Variants in RSRP1 observed in about 807,000 individuals in gnomAD.
RSRP1 encodes the protein arginine/serine-rich protein 1.
A neutral mutation model predicts 33.0 loss-of-function variants in RSRP1; 37 were observed. The observed-to-expected ratio is 1.12, with a 90% confidence interval of 0.86 to 1.48. The LOEUF is 1.48. RSRP1 is among the 40% of genes most tolerant of loss of function. The pLI, the probability that RSRP1 is intolerant of heterozygous loss-of-function variation, is 0.00. For missense variants in RSRP1, 402 were observed against 385.3 expected, an observed-to-expected ratio of 1.04 and a Z score of -0.36; for synonymous variants, 167 against 158.7, an observed-to-expected ratio of 1.05 and a Z score of -0.40.
chr1:25,274,906 C>T (rs1027978575), intron 1 of RSRP1, among the ~76,000 whole-genome samples: 1 of 131,344 alleles, frequency 7.6e-6, no homozygotes, highest in African/African-American at 2.6e-5. Flanking sequence ...ACTTGGGAGG[C>T]CATTACACTC....
chr1:25,292,298 T>G (rs566635352), intron 1 of RSRP1, among the ~76,000 whole-genome samples: 1 of 132,368 alleles, frequency 7.6e-6, no homozygotes, highest in South Asian at 2.3e-4. Flanking sequence ...GACTTATGTT[T>G]TAAGATACTC....
At chr1:25,280,902 G>A (rs1407439083) in intron 1 of RSRP1, among the ~76,000 whole-genome samples, 1 of 132,472 alleles carries the variant, frequency 7.5e-6, no homozygotes, top group Non-Finnish European at 1.8e-5. Flanking sequence ...GATTACAGGT[G>A]TGAGCCACCA....
rs1416601051 is a variant in RSRP1 at position 25,329,056 on chromosome 1, G to T, written c.-67+8922C>A. ...TGTTCGCGCAGGCACTGGAGTCAGA[G>T]AAAATGGAGTTGAATCCTTTCTCTG... On this transcript the variant is annotated intron_variant, in intron 1 of 1. Transcript: ENST00000561867. 2.9e-6 allele frequency: 4 copies of T among 1,366,476 alleles called. 1 individual carries two copies. 84.6% of individuals were successfully genotyped at this position (1,366,476 alleles called of 1,614,324 possible). A position where few individuals can be genotyped will look rare whatever the true frequency, so the allele number is the denominator to read the frequency against.
intron 1 of RSRP1, among the ~76,000 whole-genome samples, chr1:25,287,476 C>A (rs1482248847): frequency 3.0e-5 from 4 of 135,094 alleles, no homozygotes; most frequent in Non-Finnish European, 7.0e-5. Context: ...CTGACCGGTT[C>A]CCGTCAGGGC....
intron 1 of RSRP1, among the ~76,000 whole-genome samples, chr1:25,288,189 T>C (rs1642208417): frequency 7.6e-6 from 1 of 131,154 alleles, no homozygotes; most frequent in Non-Finnish European, 1.8e-5. Flanking sequence ...AGCTGATTTT[T>C]CTATTTTCTG....
chr1:25,273,536 C>T (rs1365966551), intron 1 of RSRP1, among the ~76,000 whole-genome samples: 1 of 84,904 alleles, frequency 1.2e-5, no homozygotes, highest in Non-Finnish European at 2.9e-5. Context: ...TTTCTTCTCA[C>T]TTAGGGGCTG....
chr1:25,255,459 A>G (rs951932924), intron 1 of RSRP1, among the ~76,000 whole-genome samples: 2 of 152,136 alleles, frequency 1.3e-5, no homozygotes, highest in Non-Finnish European at 2.9e-5. Flanking sequence ...TCAAGGTACA[A>G]TGCAATGAAG....
rs1174242716 is a variant in RSRP1 at position 25,245,364 on chromosome 1, C to T, written c.521-63G>A. The T allele has an allele frequency of 3.3e-6, 5 of 1,511,970 alleles. No homozygotes were observed. In the East Asian group the frequency reaches 1.1e-4, roughly 34 times the overall value. 93.7% of individuals were successfully genotyped at this position (1,511,970 alleles called of 1,614,324 possible). ...ATCTGGTAGTTATTTCCCAAGAGAA[C>T]TCAGAATTACACAATAAATATGTTA... On this transcript the variant is annotated intron_variant, in intron 2 of 4. Coordinates refer to ENST00000243189, the MANE Select transcript of RSRP1 (RefSeq NM_020317.5).
rs549095693 is a variant in RSRP1, at chr1:25,295,749, G to T, written c.-67+42229C>A. Among the ~76,000 whole-genome samples the T allele has an allele frequency of 3.0e-4, 32 of 107,910 alleles. 4 individuals carry two copies. The highest frequency in any genetic ancestry group is 8.5e-4 in the African/African-American group (28 of 32,874). 70.8% of individuals were successfully genotyped at this position (107,910 alleles called of 152,430 possible). On this transcript the variant is annotated intron_variant, in intron 1 of 1. Transcript: ENST00000561867. Reference sequence around the variant, plus strand: ...GACCAAGAGGCGGCCGGGAGGCTGAGACCACAGCAAGAAAGGGAGAGTGTG... The same window carrying T: ...GACCAAGAGGCGGCCGGGAGGCTGATACCACAGCAAGAAAGGGAGAGTGTG...
In RSRP1 at chr1:25,314,535, C is replaced by G. The variant is rs1168692863; in HGVS notation, c.-67+23443G>C. Among the ~76,000 whole-genome samples, 105 of 132,558 alleles carry G rather than the reference C, an allele frequency of 7.9e-4. 16 individuals carry two copies. The highest frequency in any genetic ancestry group is 2.6e-3 in the African/African-American group (103 of 38,978). The allele number at this position is 132,558 out of a possible 152,430, so 87.0% of individuals were successfully genotyped here. ...TTGAAACAGAGTCTCCTTCTGTCAC[C>G]CAGGCTGGAATGCAGTGGCGCTATC... On this transcript the variant is annotated intron_variant, in intron 1 of 1. Coordinates refer to the RSRP1 transcript ENST00000561867.
chr1:25,298,827 G>A (rs111968158), intron 1 of RSRP1, among the ~76,000 whole-genome samples: 2,073 of 130,576 alleles, frequency 0.016, 346 homozygotes, highest in African/African-American at 0.049. Flanking sequence ...TTAGAGAGTG[G>A]TAAGTACCAC....
chr1:25,257,537 G>T (rs1290800679), intron 1 of RSRP1, among the ~76,000 whole-genome samples: 2 of 151,758 alleles, frequency 1.3e-5, no homozygotes, highest in African/African-American at 4.8e-5. Context: ...AGAAAAACTA[G>T]CTTGACTAGA....
chr1:25,247,104 G>C (rs975052881), intron 1 of RSRP1, 75 bp from the exon 2 acceptor site: 1 of 922,686 alleles, frequency 1.1e-6, no homozygotes, highest in Non-Finnish European at 1.5e-6. Context: ...CACAGTCGGG[G>C]AACCTCCGGG....
intron 1 of RSRP1, among the ~76,000 whole-genome samples, chr1:25,268,293 C>T (rs544310293): frequency 7.6e-6 from 1 of 131,386 alleles, no homozygotes; most frequent in Non-Finnish European, 1.8e-5. Context: ...CCAAGGTGGG[C>T]AAGTCACCTG....
At chr1:25,303,681 G>A (rs1412726662) in intron 1 of RSRP1, among the ~76,000 whole-genome samples, 1 of 132,000 alleles carries the variant, frequency 7.6e-6, no homozygotes, top group African/African-American at 2.6e-5. Context: ...TTGGGCATTG[G>A]GGAGAATTTG....
At chr1:25,277,800 G>T (rs1160807206) in intron 1 of RSRP1, among the ~76,000 whole-genome samples, 1 of 121,262 alleles carries the variant, frequency 8.2e-6, no homozygotes. Context: ...TCAGCCTCCC[G>T]AGTAGCTGGG....
At chr1:25,290,279 A>G (rs1642373980) in intron 1 of RSRP1, among the ~76,000 whole-genome samples, 1 of 125,324 alleles carries the variant, frequency 8.0e-6, no homozygotes, top group African/African-American at 2.8e-5. Context: ...AGCAGAAAAG[A>G]AGACTGGGCA....
rs1388374785 is a variant in RSRP1 at position 25,284,715 on chromosome 1, C to T, written c.-66-37686G>A. 2.9e-6 allele frequency: 4 copies of T among 1,388,856 alleles called. 1 individual carries two copies. The highest frequency in any genetic ancestry group is 4.1e-6 in the Non-Finnish European group (4 of 985,582). 86.0% of individuals were successfully genotyped at this position (1,388,856 alleles called of 1,614,324 possible). ...AGTGGGCAATCCTGCTGGACGGCTTCCTGAGCCAGTTCCCTTCTGGGAAGG... is the reference window on the plus strand; with the variant it reads ...AGTGGGCAATCCTGCTGGACGGCTTTCTGAGCCAGTTCCCTTCTGGGAAGG... On this transcript the variant is annotated intron_variant, in intron 1 of 1. Transcript: ENST00000561867.
intron 2 of RSRP1, among the ~76,000 whole-genome samples, chr1:25,245,559 G>A (rs557786409): frequency 3.9e-5 from 6 of 152,272 alleles, no homozygotes; most frequent in East Asian, 1.9e-4. Context: ...CCAAGTGTGC[G>A]CGAGGGTTCC....
Sources: gnomAD v4.1 joint callset for allele counts (sites outside exome capture counted in the v4.1 genomes callset) on GRCh38, gnomAD v4.1.1 for gene constraint, MANE v1.5 for transcripts, NCBI Gene and HGNC (gene_info 2026-07-23, HGNC 2026-07-21) for gene names.